The following SH3PXD2A variants were observed in gnomAD, a reference collection of about 807,000 sequenced individuals.
SH3PXD2A encodes SH3 and PX domains 2A, also known as SH3 and PX domain-containing protein 2A.
Under a neutral mutation model 115.2 loss-of-function variants are expected in SH3PXD2A, and 32 were observed. The ratio of observed to expected loss-of-function variants is 0.28; its 90% confidence interval spans 0.21 to 0.37. The LOEUF is 0.37. Ranked by LOEUF, SH3PXD2A falls within the 10% of genes least tolerant of loss-of-function variation. The pLI is 1.00. For missense variants in SH3PXD2A, 1,328 were observed against 1,498.7 expected (o/e 0.89, Z 1.88); for synonymous variants, 610 against 629.1 (o/e 0.97, Z 0.45).
chr10:103,665,651 G>A lies in SH3PXD2A; in HGVS notation c.472+2957C>T, dbSNP rs1488862215. 2.0e-5 allele frequency among the ~76,000 whole-genome samples: 3 copies of A among 152,146 alleles called. No individual in the cohort carries two copies. Among genetic ancestry groups the A allele is most frequent in the African/African-American group, 7.2e-5 (3 of 41,428 alleles). On this transcript the variant is annotated intron_variant, in intron 7 of 14. Transcript: ENST00000369774. The surrounding 1 kb of genome is among the most constrained non-coding windows in gnomAD (Gnocchi z 4.0). ...GGGCAGCCGGGCGGGCGGGAGCTGC[G>A]AGCAGGTATCCAGATGAGAAACCAC... is the stretch of plus-strand genomic sequence containing the variant.
chr10:103,722,016 G>A (rs886726771), intron 5 of SH3PXD2A, among the ~76,000 whole-genome samples: 2 of 151,968 alleles, frequency 1.3e-5, no homozygotes, highest in Non-Finnish European at 2.9e-5. Context: ...GAATATACAA[G>A]CCCTGGCCGG....
Position 103,602,834 on chromosome 10 carries a change from G to A in SH3PXD2A, c.2384C>T (p.Ser795Phe), listed in dbSNP as rs199845605. The change falls in exon 15 of 15, where the codon TCC becomes TTC. Residue 795 changes from serine (S) to phenylalanine (F), a missense_variant. Around this residue, in one of 5 missense-constraint regions of SH3PXD2A, gnomAD observed 574 missense variants for 565.7 expected, o/e 1.01. Transcript: ENST00000369774. ...GGGCAGCTCCGAATCCTCACTCTTG[G>A]AGCCCTTGAGCCCTCCACGGAGCTG... Reference protein sequence around the residue: ...TGQLRGGLKGSKSEDSELPPQ... With the variant: ...TGQLRGGLKGFKSEDSELPPQ... The A allele has an allele frequency of 2.5e-5, 40 of 1,614,124 alleles. No homozygotes were observed. The South Asian group carries it at 4.4e-4, about 18-fold the overall frequency.
intron 5 of SH3PXD2A, among the ~76,000 whole-genome samples, chr10:103,715,500 C>A (rs1169840002): frequency 1.3e-5 from 2 of 152,226 alleles, no homozygotes; most frequent in African/African-American, 4.8e-5. Flanking sequence ...CTGTCCACAA[C>A]CTTCCATTTG....
intron 1 of SH3PXD2A, among the ~76,000 whole-genome samples, chr10:103,809,681 CCCTCCCTCCCTT>C (rs1313503035): frequency 3.6e-5 from 5 of 139,412 alleles, no homozygotes; most frequent in African/African-American, 5.4e-5. Context: ...CTCCCTCCCT[CCCTCCCTCCCTT>C]CCTTCTTTTG....
In SH3PXD2A at chr10:103,602,085, G is replaced by C. The variant is rs778820299; in HGVS notation, c.3133C>G (p.Leu1045Val). ...RAASQGSDSP[L>V]LPAQRNSIPV... ...ATGCTGTTGCGCTGGGCGGGCAGTA[G>C]GGGTGAGTCTGAACCCTGGCTGGCA... is the stretch of plus-strand genomic sequence containing the variant. Residue 1045 changes from leucine to valine, a missense_variant, in exon 15 of 15, where the codon CTA (leucine) becomes GTA (valine). By Grantham distance (32) the Leu-to-Val change is conservative. Coordinates refer to ENST00000369774, the MANE Select transcript of SH3PXD2A (RefSeq NM_001394015.1). The C allele has an allele frequency of 1.9e-6, 3 of 1,599,774 alleles. No individual in the cohort carries two copies. The highest frequency in any genetic ancestry group is 2.6e-6 in the Non-Finnish European group (3 of 1,171,454).
At chr10:103,739,346 C>T (rs1422230202) in intron 3 of SH3PXD2A, among the ~76,000 whole-genome samples, 1 of 152,202 alleles carries the variant, frequency 6.6e-6, no homozygotes, top group East Asian at 1.9e-4. Context: ...AAGCCAATTC[C>T]CAGCTGAGTT....
At chr10:103,608,148 T>TTTAAAAAAAAAAAAAAAAAG in intron 13 of SH3PXD2A, among the ~76,000 whole-genome samples, 1 of 34,852 alleles carries the variant, frequency 2.9e-5, no homozygotes, top group Admixed American at 3.0e-4. Context: ...GAATGATCAA[T>TTTAAAAAAAAAAAAAAAAAG]TTAAAAAAAA....
chr10:103,673,585 A>T (rs2037492399), intron 6 of SH3PXD2A: 1 of 152,206 alleles, frequency 6.6e-6, no homozygotes, highest in African/African-American at 2.4e-5. Context: ...GTATAAAATA[A>T]TTTTTAAAAG....
chr10:103,622,803 G>A (rs1283097968), intron 9 of SH3PXD2A, among the ~76,000 whole-genome samples: 1 of 152,180 alleles, frequency 6.6e-6, no homozygotes, highest in African/African-American at 2.4e-5. Context: ...GCCTAGGAGT[G>A]GGCTAAAGCC....
chr10:103,628,492 C>T (rs1027014875), intron 8 of SH3PXD2A, among the ~76,000 whole-genome samples: 29 of 152,056 alleles, frequency 1.9e-4, no homozygotes, highest in African/African-American at 6.8e-4. Context: ...TTTACGGTCT[C>T]GGTGTCCTCC....
chr10:103,809,854 T>A (rs1283510491), intron 1 of SH3PXD2A, among the ~76,000 whole-genome samples: 3 of 151,690 alleles, frequency 2.0e-5, no homozygotes, highest in African/African-American at 4.8e-5. Context: ...TAGGCTTTTT[T>A]TTTTTTAGTA....
At chr10:103,747,904 C>T (rs1158041330) in intron 3 of SH3PXD2A, among the ~76,000 whole-genome samples, 1 of 152,132 alleles carries the variant, frequency 6.6e-6, no homozygotes, top group Non-Finnish European at 1.5e-5. Flanking sequence ...CCCACTTCAG[C>T]CTCCCAAAGT....
chr10:103,663,776 CA>C (rs1310873152), intron 7 of SH3PXD2A, among the ~76,000 whole-genome samples: 1 of 152,244 alleles, frequency 6.6e-6, no homozygotes, highest in Non-Finnish European at 1.5e-5. Context: ...GGCCTCCTTC[CA>C]GGGAAAGAAA....
intron 5 of SH3PXD2A, among the ~76,000 whole-genome samples, chr10:103,694,416 T>C (rs1355137510): frequency 6.6e-6 from 1 of 152,154 alleles, no homozygotes; most frequent in African/African-American, 2.4e-5. Flanking sequence ...CCCTCCAACA[T>C]TGGAGTGTTT....
intron 5 of SH3PXD2A, among the ~76,000 whole-genome samples, chr10:103,701,724 T>C (rs61722406): frequency 1.0e-5 from 1 of 98,930 alleles, no homozygotes; most frequent in Non-Finnish European, 2.0e-5. Flanking sequence ...CATTTATCCA[T>C]CCATCATTCA....
In SH3PXD2A at chr10:103,612,864, C is replaced by T. The variant is rs758662098; in HGVS notation, c.1247G>A (p.Arg416Gln). 34 of 1,562,646 alleles carry T rather than the reference C, an allele frequency of 2.2e-5. No individual in the cohort carries two copies. The highest frequency in any genetic ancestry group is 1.7e-4 in the Middle Eastern group (1 of 5,794). Residue 416 changes from arginine to glutamine, a missense_variant, in exon 12 of 15, where the codon CGG becomes CAG. By Grantham distance (43) the Arg-to-Gln change is conservative (BLOSUM62 1). Coordinates refer to ENST00000369774, the MANE Select transcript of SH3PXD2A (RefSeq NM_001394015.1). ...SPAVARIAPQ[R>Q]AQISSPNLRT... is the part of the protein sequence containing the mutation. ...AGCGAGGCTCTTACTGATCTGGGCC[C>T]GCTGAGGGGCAATCCTGGCCACAGC...
chr10:103,661,623 C>T (rs892047572), intron 7 of SH3PXD2A: 80 of 980,974 alleles, frequency 8.2e-5, no homozygotes, highest in Non-Finnish European at 9.4e-5. Context: ...CCTCTGCCCC[C>T]AACCCCTGCA....
intron 11 of SH3PXD2A, among the ~76,000 whole-genome samples, chr10:103,616,001 T>G (rs1045194061): frequency 6.9e-4 from 87 of 126,264 alleles, no homozygotes; most frequent in African/African-American, 2.7e-3. Context: ...CCCTCCTGAC[T>G]GATATGCACC....
At chr10:103,849,592 C>T (rs1292760903) in intron 1 of SH3PXD2A, among the ~76,000 whole-genome samples, 2 of 152,234 alleles carry the variant, frequency 1.3e-5, no homozygotes, top group Non-Finnish European at 2.9e-5. Context: ...AGCTAGGCTC[C>T]TGACCTTCCA....
Sources: allele counts gnomAD v4.1 joint callset (sites outside exome capture counted in the v4.1 genomes callset), GRCh38; gene constraint gnomAD v4.1.1; regional missense constraint gnomAD v4.1.1; non-coding constraint Gnocchi (gnomAD v3.1); transcripts MANE v1.5; gene names NCBI Gene and HGNC (gene_info 2026-07-23, HGNC 2026-07-21).